NPSR1: variants seen among roughly 807,000 people sequenced by gnomAD.
The protein encoded by NPSR1 is neuropeptide S receptor.
NPSR1 carries 48 observed loss-of-function variants against 46.9 expected under a neutral mutation model. That is an observed-to-expected ratio of 1.02 (90% confidence interval 0.81 to 1.30). NPSR1 has a LOEUF of 1.30. Among genes scored for constraint, NPSR1 ranks in the 50% most tolerant of loss-of-function variants. The probability of loss-of-function intolerance (pLI) is 0.00; values close to 1 mark genes in which losing one functional copy is unlikely to be tolerated. For synonymous variants in NPSR1, 176 were observed against 168.1 expected (o/e 1.05, Z -0.36); for missense variants, 450 against 449.5 (o/e 1.00, Z -0.01).
chr7:34,824,714 T>C (rs543422093), intron 4 of NPSR1, among the ~76,000 whole-genome samples: 1 of 145,850 alleles, frequency 6.9e-6, no homozygotes, highest in Admixed American at 6.7e-5. Flanking sequence ...AGTGGAAACT[T>C]TGTGGGGCCC....
rs959290887 is a variant in NPSR1, at chr7:34,857,015, T to G, written c.1025+8352T>G. ...TATTTTAGGGTAAAGTTCCATGAGCTCCTGCATTCGTTATTTACAATAGCC... is the reference window on the plus strand; with the variant it reads ...TATTTTAGGGTAAAGTTCCATGAGCGCCTGCATTCGTTATTTACAATAGCC... On this transcript the variant is annotated intron_variant, in intron 8 of 8. Coordinates refer to the NPSR1 transcript ENST00000359791. Among the ~76,000 whole-genome samples the G allele has an allele frequency of 2.0e-5, 3 of 151,702 alleles. 1 individual carries two copies. Among genetic ancestry groups the G allele is most frequent in the African/African-American group, 7.3e-5 (3 of 41,008 alleles).
At chr7:34,802,375 T>C (rs1384846588) in intron 3 of NPSR1, among the ~76,000 whole-genome samples, 1 of 149,784 alleles carries the variant, frequency 6.7e-6, no homozygotes, top group Non-Finnish European at 1.5e-5. Flanking sequence ...GAGATATAGA[T>C]CAATGGAACA....
intron 2 of NPSR1, among the ~76,000 whole-genome samples, chr7:34,763,119 GA>G (rs1786256071): frequency 6.6e-6 from 1 of 152,072 alleles, no homozygotes; most frequent in African/African-American, 2.4e-5. Context: ...CAGGCACTAT[GA>G]AAAAAGATAA....
intron 8 of NPSR1, chr7:34,871,399 T>G (rs1334864169): frequency 1.3e-5 from 2 of 151,644 alleles, no homozygotes; most frequent in Admixed American, 1.3e-4. Context: ...GGGATTACAT[T>G]TCAACATGAG....
intron 6 of NPSR1, among the ~76,000 whole-genome samples, chr7:34,843,816 C>G (rs1272091152): frequency 6.6e-6 from 1 of 152,218 alleles, no homozygotes; most frequent in African/African-American, 2.4e-5. Flanking sequence ...GTTTGCCTTT[C>G]TAGTGCACAG....
intron 2 of NPSR1, among the ~76,000 whole-genome samples, chr7:34,716,005 A>C (rs1481011005): frequency 1.3e-5 from 2 of 152,134 alleles, no homozygotes; most frequent in African/African-American, 4.8e-5. Flanking sequence ...CAAAGAAGGA[A>C]GGATAAAAAC....
chr7:34,797,554 G>A (rs899281224), intron 3 of NPSR1, among the ~76,000 whole-genome samples: 2 of 152,112 alleles, frequency 1.3e-5, no homozygotes, highest in Non-Finnish European at 2.9e-5. Context: ...ATTACACAAA[G>A]TGTAGCACAC....
In NPSR1 at chr7:34,849,700, C is replaced by T; in HGVS notation, c.*45C>T. 6.2e-7 allele frequency: 1 copy of T among 1,605,342 alleles called. No homozygotes were observed. The highest frequency in any genetic ancestry group is 8.5e-7 in the Non-Finnish European group (1 of 1,175,396). Reference sequence around the variant, plus strand: ...GCTAGGCTGAGCACCATCAGCTCTCCCAGGTCCTTGTCACCTGCTTGGGCA... The same window carrying T: ...GCTAGGCTGAGCACCATCAGCTCTCTCAGGTCCTTGTCACCTGCTTGGGCA... On this transcript the variant is annotated 3_prime_UTR_variant, in exon 9 of 9. Coordinates refer to ENST00000360581, the MANE Select transcript of NPSR1 (RefSeq NM_207172.2).
chr7:34,686,786 G>A (rs901550039), intron 2 of NPSR1, among the ~76,000 whole-genome samples: 7 of 151,418 alleles, frequency 4.6e-5, no homozygotes, highest in African/African-American at 1.7e-4. Context: ...GACTTTCTTT[G>A]TTTAAAGGAC....
chr7:34,791,532 A>G (rs540652592), intron 3 of NPSR1, among the ~76,000 whole-genome samples: 4 of 151,782 alleles, frequency 2.6e-5, no homozygotes, highest in South Asian at 4.1e-4. Context: ...CAAAAAAACT[A>G]TAATATATTG....
chr7:34,875,623 G>C (rs1791556493), intron 8 of NPSR1, among the ~76,000 whole-genome samples: 1 of 152,138 alleles, frequency 6.6e-6, no homozygotes, highest in Non-Finnish European at 1.5e-5. Context: ...GTGCCTCCTG[G>C]AGGCCTCCAG....
chr7:34,750,518 G>T, intron 2 of NPSR1: 1 of 701,628 alleles, frequency 1.4e-6, no homozygotes, highest in Admixed American at 1.9e-5. Context: ...GGCTGTTGGG[G>T]CTCTCTGGCT....
At chr7:34,661,732 G>A (rs1403482214) in intron 1 of NPSR1, among the ~76,000 whole-genome samples, 1 of 152,148 alleles carries the variant, frequency 6.6e-6, no homozygotes, top group Admixed American at 6.5e-5. Flanking sequence ...CTAACCCTAC[G>A]TGGTCTTGGG....
intron 2 of NPSR1, among the ~76,000 whole-genome samples, chr7:34,762,098 C>T (rs576861479): frequency 6.6e-6 from 1 of 152,114 alleles, no homozygotes; most frequent in Non-Finnish European, 1.5e-5. Flanking sequence ...TAATTAGACA[C>T]AAGCTTTTTA....
At chr7:34,723,872 ATGTT>A (rs1259896371) in intron 2 of NPSR1, among the ~76,000 whole-genome samples, 3 of 152,128 alleles carry the variant, frequency 2.0e-5, no homozygotes, top group Non-Finnish European at 2.9e-5. Context: ...AATAATATGA[ATGTT>A]TGTTACCATC....
At chr7:34,682,236 CTG>C (rs1263030586) in intron 1 of NPSR1, among the ~76,000 whole-genome samples, 1 of 152,182 alleles carries the variant, frequency 6.6e-6, no homozygotes, top group African/African-American at 2.4e-5. Context: ...GGCCCAGAAC[CTG>C]TGTCACAGCA....
At chr7:34,823,670 G>T (rs950187298) in intron 4 of NPSR1, among the ~76,000 whole-genome samples, 6 of 151,892 alleles carry the variant, frequency 4.0e-5, no homozygotes, top group African/African-American at 1.5e-4. Context: ...GTTTCTAAGA[G>T]TTTATCCTAA....
At chr7:34,721,635 A>G (rs1434435832) in intron 2 of NPSR1, among the ~76,000 whole-genome samples, 1 of 152,260 alleles carries the variant, frequency 6.6e-6, no homozygotes, top group Non-Finnish European at 1.5e-5. Context: ...TGTATTTATA[A>G]TATGCACAGT....
chr7:34,787,120 G>A (rs962703392), intron 3 of NPSR1, among the ~76,000 whole-genome samples: 3 of 152,124 alleles, frequency 2.0e-5, no homozygotes, highest in African/African-American at 7.2e-5. Flanking sequence ...TGTTTCCACT[G>A]AAAAACTATC....
Sources: gnomAD v4.1 joint callset for allele counts (sites outside exome capture counted in the v4.1 genomes callset) on GRCh38, gnomAD v4.1.1 for gene constraint, MANE v1.5 for transcripts, NCBI Gene and HGNC (gene_info 2026-07-23, HGNC 2026-07-21) for gene names.